PTPRB: variants seen among roughly 807,000 people sequenced by gnomAD.
PTPRB encodes protein tyrosine phosphatase receptor type B.
Under a neutral mutation model 238.1 loss-of-function variants are expected in PTPRB, and 97 were observed. That is an observed-to-expected ratio of 0.41 (90% CI 0.35 to 0.48). The LOEUF (loss-of-function observed/expected upper bound fraction) is 0.48, where lower values mean the gene tolerates loss of function less well. PTPRB is among the 20% of genes least tolerant of loss of function. The pLI, the probability that PTPRB is intolerant of heterozygous loss-of-function variation, is 0.30. For missense variants in PTPRB, 2,292 were observed against 2,681.9 expected (o/e 0.85, Z 3.21); for synonymous variants, 970 against 995.4 (o/e 0.97, Z 0.48).
chr12:70,574,033 G>C (rs1264090231), intron 11 of PTPRB, among the ~76,000 whole-genome samples: 1 of 151,994 alleles, frequency 6.6e-6, no homozygotes, highest in Non-Finnish European at 1.5e-5. Context: ...ACTATTTCAC[G>C]GTAACTGGAC....
intron 15 of PTPRB, among the ~76,000 whole-genome samples, chr12:70,564,864 T>TAAC: frequency 1.0e-5 from 1 of 100,416 alleles, no homozygotes; most frequent in Non-Finnish European, 2.2e-5. Context: ...ATAATAATAA[T>TAAC]AATAATAATA....
At chr12:70,598,538 T>C (rs1444097892) in intron 4 of PTPRB, among the ~76,000 whole-genome samples, 1 of 147,834 alleles carries the variant, frequency 6.8e-6, no homozygotes, top group Non-Finnish European at 1.5e-5. Context: ...ATCTGGGGAG[T>C]ATAATAATAA....
chr12:70,602,353 C>T (rs1883581624), intron 4 of PTPRB, among the ~76,000 whole-genome samples: 1 of 152,152 alleles, frequency 6.6e-6, no homozygotes, highest in African/African-American at 2.4e-5. Flanking sequence ...GTAGTTCCAG[C>T]CCAATTATTT....
intron 2 of PTPRB, among the ~76,000 whole-genome samples, chr12:70,623,101 G>C (rs1885021439): frequency 6.6e-6 from 1 of 152,124 alleles, no homozygotes; most frequent in South Asian, 2.1e-4. Context: ...CAAAATACCA[G>C]GTTGAGAATC....
rs1485139847 is a variant in PTPRB, at chr12:70,524,925, GTGTGTATATGTATGTATATATA to G, written c.6505-356_6505-335del. 7.1e-3 allele frequency among the ~76,000 whole-genome samples: 1,067 copies of G among 151,152 alleles called. 14 individuals carry two copies. Among genetic ancestry groups the G allele is most frequent in the African/African-American group, 0.024 (1,005 of 41,066 alleles). ...TATGTGTATATATGTATGTATATATGTGTGTATATGTATGTATATATATGTGTATATATGTATGTGTATATAT... is the reference window on the plus strand; with the variant it reads ...TATGTGTATATATGTATGTATATATGTGTGTATATATGTATGTGTATATAT... On this transcript the variant is annotated intron_variant, in intron 32 of 33. Transcript: ENST00000334414.
chr12:70,535,035 T>C, intron 29 of PTPRB, 80 bp from the exon 30 acceptor site: 3 of 1,478,080 alleles, frequency 2.0e-6, no homozygotes, highest in Non-Finnish European at 2.7e-6. Context: ...CCTCTAAATG[T>C]CTTCCAAAGT....
At chr12:70,580,334 G>C (rs1881242364) in intron 10 of PTPRB, among the ~76,000 whole-genome samples, 1 of 152,186 alleles carries the variant, frequency 6.6e-6, no homozygotes, top group Non-Finnish European at 1.5e-5. Flanking sequence ...ATTAATTGGA[G>C]ATCATTTTCT....
rs1036030282 is a variant in PTPRB, at chr12:70,569,821, T to A, written c.3488A>T (p.His1163Leu). Reference protein sequence around the residue: ...VDSYTVSAFRHSQKVDSQTIP... With the variant: ...VDSYTVSAFRLSQKVDSQTIP... The stretch of plus-strand genomic sequence containing the variant: ...AGTCTGAGAGTCAACCTTTTGACTG[T>A]GCCTGAATGCCGACACCGTGTAGGA... The change falls in exon 14 of 34, where the codon CAC becomes CTC. Residue 1163 changes from histidine to leucine, a missense_variant. By Grantham distance (99) the His-to-Leu change is moderately conservative. This residue lies in a region of PTPRB where 683 missense variants were observed against 862.0 expected (regional missense o/e 0.79). Coordinates refer to ENST00000334414, the MANE Select transcript of PTPRB (RefSeq NM_001109754.4). 1 of 1,613,996 alleles carries A rather than the reference T, an allele frequency of 6.2e-7. No homozygotes were observed. Among genetic ancestry groups the A allele is most frequent in the African/African-American group, 1.3e-5 (1 of 75,052 alleles).
chr12:70,577,063 T>C (rs1880865046), intron 10 of PTPRB, among the ~76,000 whole-genome samples: 1 of 152,152 alleles, frequency 6.6e-6, no homozygotes, highest in East Asian at 1.9e-4. Flanking sequence ...CAAAAATGTT[T>C]GAGTGGAAAG....
intron 22 of PTPRB, chr12:70,541,596 G>C (rs2567141): frequency 1.3e-5 from 2 of 152,306 alleles, no homozygotes; most frequent in Non-Finnish European, 2.9e-5. Flanking sequence ...AAGAAACCGC[G>C]TACCTATTAG....
chr12:70,582,628 C>T (rs1881502845), intron 9 of PTPRB, among the ~76,000 whole-genome samples: 1 of 149,692 alleles, frequency 6.7e-6, no homozygotes, highest in African/African-American at 2.5e-5. Context: ...AGAAAAAAAC[C>T]TTCACCTATA....
rs1592617455 is a variant in PTPRB at position 70,635,978 on chromosome 12, C to A, written c.144G>T (p.Gln48His). Reference sequence around the variant, plus strand: ...CCTCAGTCCACATCCACTGCTGGTTCTGGATGGTCCTGTTGCATGAGCCCA... The same window carrying A: ...CCTCAGTCCACATCCACTGCTGGTTATGGATGGTCCTGTTGCATGAGCCCA... Reference protein sequence around the residue: ...VVVGSCNRTIQNQQWMWTEDE... With the variant: ...VVVGSCNRTIHNQQWMWTEDE... The change falls in exon 2 of 34, where the codon CAG becomes CAT. Residue 48 changes from glutamine to histidine, a missense_variant. Coordinates refer to ENST00000334414, the MANE Select transcript of PTPRB (RefSeq NM_001109754.4). 6 of 1,613,400 alleles carry A rather than the reference C, an allele frequency of 3.7e-6. No individual in the cohort carries two copies. In the East Asian group the frequency reaches 1.1e-4, roughly 30 times the overall value.
intron 3 of PTPRB, among the ~76,000 whole-genome samples, chr12:70,616,195 C>T (rs1163183593): frequency 2.6e-5 from 4 of 152,118 alleles, no homozygotes; most frequent in African/African-American, 7.2e-5. Flanking sequence ...CCTCCTGCCT[C>T]GGCCTCCCAA....
chr12:70,532,644 C>A (rs1310239665), intron 31 of PTPRB, among the ~76,000 whole-genome samples: 2 of 151,850 alleles, frequency 1.3e-5, no homozygotes, highest in Non-Finnish European at 2.9e-5. Flanking sequence ...TCCTTCCTCC[C>A]TCCCTCTTTC....
chr12:70,606,246 T>A (rs1352443444), intron 4 of PTPRB, among the ~76,000 whole-genome samples: 1 of 152,236 alleles, frequency 6.6e-6, no homozygotes, highest in Non-Finnish European at 1.5e-5. Flanking sequence ...CTACCTGGCA[T>A]AGTTCCCAAC....
chr12:70,567,397 T>C (rs11611718), intron 14 of PTPRB, among the ~76,000 whole-genome samples: 35,103 of 151,974 alleles, frequency 0.23, 4,722 homozygotes, highest in African/African-American at 0.38. Flanking sequence ...ACTCAAGACG[T>C]CCAAATTGGA....
chr12:70,572,153 C>T, intron 11 of PTPRB, 66 bp from the exon 12 acceptor site: 1 of 1,400,462 alleles, frequency 7.1e-7, no homozygotes, highest in Non-Finnish European at 9.8e-7. Flanking sequence ...TCACAGATGA[C>T]AAGCTGGGAC....
At chr12:70,606,995 G>A (rs1023642739) in intron 4 of PTPRB, among the ~76,000 whole-genome samples, 5 of 152,182 alleles carry the variant, frequency 3.3e-5, no homozygotes, top group Non-Finnish European at 7.3e-5. Context: ...TAAGAAAAAT[G>A]GTGAGAACCC....
At chr12:70,531,894 A>G in intron 32 of PTPRB, 141 bp downstream of exon 32, 7 of 953,074 alleles carry the variant, frequency 7.3e-6, no homozygotes. Context: ...AAGTCTTAGA[A>G]AATATCTACA....
Sources: allele counts gnomAD v4.1 joint callset (sites outside exome capture counted in the v4.1 genomes callset), GRCh38; gene constraint gnomAD v4.1.1; regional missense constraint gnomAD v4.1.1; transcripts MANE v1.5; gene names NCBI Gene and HGNC (gene_info 2026-07-23, HGNC 2026-07-21).